RPL18: variants seen among roughly 807,000 people sequenced by gnomAD.
RPL18 encodes large ribosomal subunit protein eL18.
A neutral mutation model predicts 25.0 loss-of-function variants in RPL18; 4 were observed. That is an observed-to-expected ratio of 0.16 (90% CI 0.08 to 0.37). RPL18 has a LOEUF of 0.37. Ranked by LOEUF, RPL18 falls within the 10% of genes least tolerant of loss-of-function variation. The pLI, the probability that RPL18 is intolerant of heterozygous loss-of-function variation, is 1.00. For synonymous variants in RPL18, 129 were observed against 101.6 expected (o/e 1.27, Z -1.62); for missense variants, 179 against 267.9 (o/e 0.67, Z 2.32).
intron 4 of RPL18, 44 bp downstream of exon 4, chr19:48,616,682 T>A: frequency 9.5e-7 from 1 of 1,055,500 alleles, no homozygotes; most frequent in Non-Finnish European, 1.4e-6. Context: ...CACAGCACAG[T>A]ACAGCAAGGG....
chr19:48,619,040 G>A, intron 1 of RPL18, 101 bp downstream of exon 1: 2 of 1,284,420 alleles, frequency 1.6e-6, no homozygotes, highest in Non-Finnish European at 2.2e-6. Context: ...CTCCCTCCGG[G>A]CAGCCGCAGA....
intron 2 of RPL18, 81 bp downstream of exon 2, chr19:48,617,710 C>G: frequency 9.0e-7 from 1 of 1,110,582 alleles, no homozygotes; most frequent in Admixed American, 1.8e-5. Flanking sequence ...CTGGGAGGAG[C>G]TTGGTGCCAG....
intron 4 of RPL18, 158 bp from the exon 5 acceptor site, chr19:48,616,360 A>G (rs972370867): frequency 9.7e-6 from 8 of 828,600 alleles, no homozygotes; most frequent in African/African-American, 6.9e-5. Flanking sequence ...AGTTCTCAAC[A>G]CTTCCGGAAC....
intron 3 of RPL18, chr19:48,617,049 A>C (rs757268340): frequency 2.8e-6 from 2 of 702,716 alleles, no homozygotes; most frequent in Non-Finnish European, 5.2e-6. Flanking sequence ...AGCCTTTGAC[A>C]TAAAACTCAG....
intron 4 of RPL18, 30 bp downstream of exon 4, chr19:48,616,696 G>A (rs1307562220): frequency 1.4e-6 from 2 of 1,450,848 alleles, no homozygotes; most frequent in Non-Finnish European, 1.9e-6. Context: ...GCAAGGGTCT[G>A]ATGGGTCTGC....
rs1391081043 is a variant in RPL18 at position 48,615,379 on chromosome 19, T to C, written c.560A>G (p.Lys187Arg). The change falls in exon 7 of 7, where the codon AAA becomes AGA. Residue 187 changes from lysine (K) to arginine (R), a missense_variant. Coordinates refer to ENST00000549920, the MANE Select transcript of RPL18 (RefSeq NM_000979.4). Reference protein sequence around the residue: ...ARGRRASRGYKN With the variant: ...ARGRRASRGYRN ...AGAGAGTAGGATCCAGGGTTAGTTT[T>C]TGTAGCCTCGGCTGGCCCGTCGGCC... is the stretch of plus-strand genomic sequence containing the variant. 3 of 1,611,742 alleles carry C rather than the reference T, an allele frequency of 1.9e-6. No individual in the cohort carries two copies. The highest frequency in any genetic ancestry group is 1.7e-5 in the Admixed American group (1 of 59,864).
Position 48,617,701 on chromosome 19 carries a change from T to C in RPL18, c.90+90A>G, listed in dbSNP as rs116697093. 59 of 1,014,140 alleles carry C rather than the reference T, an allele frequency of 5.8e-5. No individual in the cohort carries two copies. The African/African-American group carries it at 8.6e-4, about 15-fold the overall frequency. 62.8% of individuals were successfully genotyped at this position (1,014,140 alleles called of 1,614,324 possible). On this transcript the variant is annotated intron_variant, in intron 2 of 6. Transcript: ENST00000549920. ...GACCCGAGACTGCTCTGCAGGCCCC[T>C]GGGAGGAGCTTGGTGCCAGCACTAG...
chr19:48,619,132 C>T lies in RPL18; in HGVS notation c.3+9G>A. ...TTATCCAGCCCCGAACGCCGCAAAG[C>T]GAGCTCACCATGATGGCGCCTCCTG... is the stretch of plus-strand genomic sequence containing the variant. On this transcript the variant is annotated intron_variant, in intron 1 of 6. Coordinates refer to ENST00000549920, the MANE Select transcript of RPL18 (RefSeq NM_000979.4). The T allele has an allele frequency of 6.3e-7, 1 of 1,599,638 alleles. No homozygotes were observed. The highest frequency in any genetic ancestry group is 8.5e-7 in the Non-Finnish European group (1 of 1,174,026).
chr19:48,616,981 G>A (rs1170643388), intron 3 of RPL18, 157 bp from the exon 4 acceptor site: 3 of 710,484 alleles, frequency 4.2e-6, no homozygotes, highest in Non-Finnish European at 7.7e-6. Flanking sequence ...GGTCCAGCTG[G>A]GGAAAGCTCC....
In RPL18 at chr19:48,616,921, G is replaced by A. The variant is rs765916599; in HGVS notation, c.199-97C>T. 47 of 881,232 alleles carry A rather than the reference G, an allele frequency of 5.3e-5. 1 individual carries two copies. The highest frequency in any genetic ancestry group is 3.5e-4 in the South Asian group (26 of 75,128). 54.6% of individuals were successfully genotyped at this position (881,232 alleles called of 1,614,324 possible). A position where few individuals can be genotyped will look rare whatever the true frequency, so the allele number is the denominator to read the frequency against. On this transcript the variant is annotated intron_variant, in intron 3 of 6. Transcript: ENST00000549920. ...GGCCAGGGCAGCTGTGCCCTCTAACGGGACCCCCCACTCACACCACACCCC... is the reference window on the plus strand; with the variant it reads ...GGCCAGGGCAGCTGTGCCCTCTAACAGGACCCCCCACTCACACCACACCCC...
At chr19:48,616,228 G>A (rs1974167652) in intron 4 of RPL18, 26 bp from the exon 5 acceptor site, 1 of 1,611,568 alleles carries the variant, frequency 6.2e-7, no homozygotes, top group South Asian at 1.1e-5. Flanking sequence ...AGGCTGGCGG[G>A]TCAGACCCCT....
chr19:48,616,422 G>C (rs2147655001), intron 4 of RPL18: 1 of 654,858 alleles, frequency 1.5e-6, no homozygotes, highest in African/African-American at 1.8e-5. Context: ...AAGGAAGCTG[G>C]GCCAAAAAAA....
Position 48,616,770 on chromosome 19 carries a change from T to A in RPL18, c.253A>T (p.Thr85Ser). The change falls in exon 4 of 7, where the codon ACC becomes TCC. Residue 85 changes from threonine to serine, a missense_variant. Thr to Ser is a moderately conservative substitution (Grantham distance 58). Coordinates refer to ENST00000549920, the MANE Select transcript of RPL18 (RefSeq NM_000979.4). ...RENKTAVVVGTITDDVRVQEV... is the reference protein window; with the variant it reads ...RENKTAVVVGSITDDVRVQEV... ...TGAACCCGCACATCATCAGTTATGG[T>A]CCCCACAACCACGGCCGTCTTGTTT... The A allele has an allele frequency of 1.2e-6, 2 of 1,613,918 alleles. No homozygotes were observed. Among genetic ancestry groups the A allele is most frequent in the Non-Finnish European group, 1.7e-6 (2 of 1,179,946 alleles).
At chr19:48,617,677 AC>A in intron 2 of RPL18, 113 bp downstream of exon 2, 1 of 800,678 alleles carries the variant, frequency 1.2e-6, no homozygotes, top group Non-Finnish European at 2.1e-6. Flanking sequence ...AGAACCAGAG[AC>A]CCGAGACTGC....
intron 5 of RPL18, 58 bp downstream of exon 5, chr19:48,616,018 GGGT>G: frequency 6.2e-7 from 1 of 1,613,766 alleles, no homozygotes; most frequent in South Asian, 1.1e-5. Context: ...AGATCCAGGA[GGGT>G]GAAGGCTGCC....
chr19:48,615,793 TAGG>T, intron 6 of RPL18, 81 bp downstream of exon 6: 1 of 1,229,534 alleles, frequency 8.1e-7, no homozygotes, highest in Non-Finnish European at 1.2e-6. Flanking sequence ...GTACGAGGGA[TAGG>T]AGAAGCAGCC....
chr19:48,617,666 C>G (rs1222026996), intron 2 of RPL18, 125 bp downstream of exon 2: 6 of 758,934 alleles, frequency 7.9e-6, no homozygotes, highest in Non-Finnish European at 1.3e-5. Flanking sequence ...GACCCTGGAA[C>G]AGAACCAGAG....
chr19:48,615,533 T>A, intron 6 of RPL18, 86 bp from the exon 7 acceptor site: 1 of 1,043,468 alleles, frequency 9.6e-7, no homozygotes. Context: ...GCCTGTCACA[T>A]TCAGCCCCAG....
At chr19:48,615,609 A>G in intron 6 of RPL18, 162 bp from the exon 7 acceptor site, 1 of 682,206 alleles carries the variant, frequency 1.5e-6, no homozygotes, top group South Asian at 1.8e-5. Context: ...GGGCTATGGA[A>G]GCACCTGCCC....
Sources: gnomAD v4.1 joint callset for allele counts on GRCh38, gnomAD v4.1.1 for gene constraint, MANE v1.5 for transcripts, NCBI Gene and HGNC (gene_info 2026-07-23, HGNC 2026-07-21) for gene names.